The following DPP6 variants were observed in gnomAD, a reference collection of about 807,000 sequenced individuals.
The protein encoded by DPP6 is dipeptidyl peptidase like 6, also known as A-type potassium channel modulatory protein DPP6.
A neutral mutation model predicts 122.6 loss-of-function variants in DPP6; 69 were observed. The observed-to-expected ratio is 0.56, with a 90% CI of 0.46 to 0.69. The LOEUF (loss-of-function observed/expected upper bound fraction) is 0.69. Among genes scored for constraint, DPP6 ranks in the 30% least tolerant of loss-of-function variants. DPP6 has a pLI of 0.00. For missense variants in DPP6, 928 were observed against 1,116.9 expected, an observed-to-expected ratio of 0.83 and a Z score of 2.41; for synonymous variants, 418 against 433.1, an observed-to-expected ratio of 0.97 and a Z score of 0.43.
intron 1 of DPP6, among the ~76,000 whole-genome samples, chr7:153,961,997 C>T (rs1012298633): frequency 6.7e-6 from 1 of 148,362 alleles, no homozygotes; most frequent in African/African-American, 2.6e-5. Flanking sequence ...CCTCTTGTGG[C>T]TGATTTGTTT....
At chr7:154,387,402 A>G (rs1353670949) in intron 1 of DPP6, among the ~76,000 whole-genome samples, 1 of 152,158 alleles carries the variant, frequency 6.6e-6, no homozygotes, top group African/African-American at 2.4e-5. Context: ...CTAGGAGACT[A>G]TAGGTGGGTT....
chr7:154,522,552 G>A (rs1290853138), intron 3 of DPP6, among the ~76,000 whole-genome samples: 3 of 152,176 alleles, frequency 2.0e-5, no homozygotes, highest in African/African-American at 7.2e-5. Context: ...CAGGGCCGCT[G>A]AATGCTGTTT....
intron 15 of DPP6, 85 bp from the exon 16 acceptor site, chr7:154,806,909 G>C (rs1216928019): frequency 1.9e-6 from 3 of 1,554,200 alleles, no homozygotes; most frequent in East Asian, 4.5e-5. Context: ...CACCCTCATG[G>C]GGAGAGCCCA....
At chr7:153,775,029 T>G in the DPP6 span, among the ~76,000 whole-genome samples, 3 of 148,426 alleles carry the variant, frequency 2.0e-5, no homozygotes, top group Non-Finnish European at 4.5e-5. Context: ...GCAGAGAAGA[T>G]AGAACACTTC....
At chr7:154,438,342 A>T (rs894688052) in intron 1 of DPP6, among the ~76,000 whole-genome samples, 2 of 151,348 alleles carry the variant, frequency 1.3e-5, no homozygotes. Flanking sequence ...TGGTGGCGGG[A>T]GCCTGTAGTC....
intron 3 of DPP6, among the ~76,000 whole-genome samples, chr7:154,505,920 G>A (rs565396816): frequency 1.2e-3 from 182 of 151,922 alleles, no homozygotes; most frequent in African/African-American, 4.3e-3. Context: ...TTGAGAGCAG[G>A]GTATCTGTAG....
chr7:154,638,258 A>G (rs1835851777), intron 6 of DPP6, among the ~76,000 whole-genome samples: 1 of 152,200 alleles, frequency 6.6e-6, no homozygotes, highest in South Asian at 2.1e-4. Context: ...TTATACCCAC[A>G]CTAGCAGAAT....
intron 1 of DPP6, among the ~76,000 whole-genome samples, chr7:154,166,850 G>T (rs1428610284): frequency 1.3e-5 from 2 of 148,822 alleles, no homozygotes; most frequent in Non-Finnish European, 2.9e-5. Flanking sequence ...GGCGGAGGTT[G>T]CAGTGAGCTG....
At chr7:153,790,424 C>A in the DPP6 span, among the ~76,000 whole-genome samples, 2 of 152,140 alleles carry the variant, frequency 1.3e-5, no homozygotes, top group African/African-American at 2.4e-5. Flanking sequence ...AATTATATGA[C>A]ATGTTTTTAA....
chr7:153,985,008 G>C (rs1440143316), intron 1 of DPP6, among the ~76,000 whole-genome samples: 2 of 152,222 alleles, frequency 1.3e-5, no homozygotes, highest in East Asian at 3.8e-4. Context: ...TTATCGGCCA[G>C]CCTTTGCTGA....
the DPP6 span, among the ~76,000 whole-genome samples, chr7:153,807,527 T>C: frequency 2.6e-5 from 4 of 151,514 alleles, no homozygotes; most frequent in Non-Finnish European, 5.9e-5. Flanking sequence ...CGTAGAAAAA[T>C]AAAGTGTCCA....
chr7:154,798,222 A>G (rs1332804030), intron 12 of DPP6, among the ~76,000 whole-genome samples: 3 of 152,200 alleles, frequency 2.0e-5, no homozygotes, highest in African/African-American at 7.2e-5. Context: ...CTGGAGGCCC[A>G]TGGGGGGCCG....
At chr7:154,076,498 A>C (rs988279746) in intron 1 of DPP6, among the ~76,000 whole-genome samples, 2 of 151,134 alleles carry the variant, frequency 1.3e-5, no homozygotes, top group Non-Finnish European at 1.5e-5. Context: ...ATAGTTCCAT[A>C]TAAAAAATAT....
chr7:154,063,198 GTT>G lies in DPP6; in HGVS notation c.243+10136_243+10137del, dbSNP rs1180740089. ...TGGCTGTTAGTACCCCCATCGCAGGGTTGGGGAGGCACCCCCCCGCGAGGCAG... is the reference window on the plus strand; with the variant it reads ...TGGCTGTTAGTACCCCCATCGCAGGGGGGGAGGCACCCCCCCGCGAGGCAG... On this transcript the variant is annotated intron_variant, in intron 1 of 25. Transcript: ENST00000377770. Among the ~76,000 whole-genome samples, 6 of 119,590 alleles carry G rather than the reference GTT, an allele frequency of 5.0e-5. 1 individual carries two copies. Among genetic ancestry groups the G allele is most frequent in the Non-Finnish European group, 1.1e-4 (6 of 56,058 alleles). 78.5% of individuals were successfully genotyped at this position (119,590 alleles called of 152,430 possible). A position where few individuals can be genotyped will look rare whatever the true frequency, so the allele number is the denominator to read the frequency against.
the DPP6 span, among the ~76,000 whole-genome samples, chr7:153,837,391 C>T: frequency 1.3e-5 from 2 of 152,144 alleles, no homozygotes; most frequent in African/African-American, 2.4e-5. Flanking sequence ...GATGTTCTTG[C>T]CTCAAGCTTT....
At chr7:154,267,572 C>T (rs1803509775) in intron 1 of DPP6, among the ~76,000 whole-genome samples, 1 of 148,888 alleles carries the variant, frequency 6.7e-6, no homozygotes, top group Non-Finnish European at 1.5e-5. Flanking sequence ...CACATGTACA[C>T]ACACATATGT....
At chr7:154,634,582 C>G (rs569696712) in intron 5 of DPP6, among the ~76,000 whole-genome samples, 5 of 152,170 alleles carry the variant, frequency 3.3e-5, no homozygotes, top group Non-Finnish European at 7.4e-5. Flanking sequence ...TTGGGGGTTT[C>G]TTGCCTAACG....
chr7:154,545,620 C>G (rs146174142), intron 4 of DPP6, among the ~76,000 whole-genome samples: 1,961 of 152,214 alleles, frequency 0.013, 49 homozygotes, highest in African/African-American at 0.045. Flanking sequence ...CACCATCTCT[C>G]CAATTCTTTT....
intron 1 of DPP6, among the ~76,000 whole-genome samples, chr7:154,128,138 C>T (rs551810388): frequency 6.6e-6 from 1 of 150,748 alleles, no homozygotes; most frequent in African/African-American, 2.5e-5. Flanking sequence ...CCATGCATGA[C>T]TTGCCACATC....
Sources: allele counts gnomAD v4.1 joint callset (sites outside exome capture counted in the v4.1 genomes callset), GRCh38; gene constraint gnomAD v4.1.1; transcripts MANE v1.5; gene names NCBI Gene and HGNC (gene_info 2026-07-23, HGNC 2026-07-21).